The following PDE4D variants were observed in gnomAD, a reference collection of about 807,000 sequenced individuals.
PDE4D encodes 3',5'-cyclic-AMP phosphodiesterase 4D.
PDE4D carries 24 observed loss-of-function variants against 87.4 expected under a neutral mutation model. The ratio of observed to expected loss-of-function variants is 0.27; its 90% confidence interval spans 0.20 to 0.39. The LOEUF is 0.39. PDE4D is among the 10% of genes least tolerant of loss of function. The pLI, the probability that PDE4D is intolerant of heterozygous loss-of-function variation, is 1.00. For missense variants in PDE4D, 714 were observed against 1,041.0 expected, an observed-to-expected ratio of 0.69 and a Z score of 4.32; for synonymous variants, 384 against 383.2, an observed-to-expected ratio of 1.00 and a Z score of -0.02.
At chr5:59,172,167 T>G (rs1170910210) in intron 5 of PDE4D, among the ~76,000 whole-genome samples, 1 of 104,572 alleles carries the variant, frequency 9.6e-6, no homozygotes, top group African/African-American at 4.0e-5. Flanking sequence ...ATTTATATAA[T>G]ATATGTATAT....
At chr5:59,101,530 T>C (rs1770738232) in intron 5 of PDE4D, among the ~76,000 whole-genome samples, 2 of 152,142 alleles carry the variant, frequency 1.3e-5, no homozygotes, top group South Asian at 4.1e-4. Context: ...TTTCCAATAG[T>C]AGAGTTAGAA....
At chr5:59,311,280 A>G (rs943222183) in intron 1 of PDE4D, among the ~76,000 whole-genome samples, 1 of 151,904 alleles carries the variant, frequency 6.6e-6, no homozygotes, top group Non-Finnish European at 1.5e-5. Flanking sequence ...TAATTCCAGC[A>G]CTTTATGAGG....
At chr5:60,306,810 G>A (rs7735398) in intron 1 of PDE4D, among the ~76,000 whole-genome samples, 15,308 of 151,914 alleles carry the variant, frequency 0.1, 1,050 homozygotes, top group South Asian at 0.29. Context: ...CGGAACATAG[G>A]AAAACAAATA....
chr5:59,119,135 C>T (rs1042073436), intron 5 of PDE4D, among the ~76,000 whole-genome samples: 1 of 152,122 alleles, frequency 6.6e-6, no homozygotes, highest in Non-Finnish European at 1.5e-5. Flanking sequence ...TTCCTGCCTC[C>T]TTTAAGGTTC....
intron 1 of PDE4D, among the ~76,000 whole-genome samples, chr5:59,862,973 T>C (rs1019639256): frequency 3.3e-5 from 5 of 152,210 alleles, no homozygotes; most frequent in Admixed American, 6.5e-5. Context: ...CATATTATTG[T>C]TTTAATTATA....
At chr5:59,445,515 G>C (rs1348452719) in intron 1 of PDE4D, among the ~76,000 whole-genome samples, 1 of 152,148 alleles carries the variant, frequency 6.6e-6, no homozygotes, top group East Asian at 1.9e-4. Context: ...AAAGAAAGTC[G>C]ATTATTTAAT....
At chr5:59,862,236 C>G (rs891034291) in intron 1 of PDE4D, among the ~76,000 whole-genome samples, 1 of 152,154 alleles carries the variant, frequency 6.6e-6, no homozygotes, top group Non-Finnish European at 1.5e-5. Context: ...GACGTTTCAC[C>G]AGCTAACACA....
chr5:59,975,048 G>T (rs1761165277), intron 3 of PDE4D, among the ~76,000 whole-genome samples: 2 of 152,190 alleles, frequency 1.3e-5, no homozygotes, highest in Admixed American at 6.5e-5. Flanking sequence ...TGCTCTCCTG[G>T]TTACTCACTT....
intron 1 of PDE4D, among the ~76,000 whole-genome samples, chr5:59,220,270 A>C (rs545620619): frequency 1.3e-5 from 2 of 151,076 alleles, no homozygotes; most frequent in African/African-American, 4.9e-5. Context: ...TAATCCCGAC[A>C]CTTTAGAGGC....
intron 1 of PDE4D, among the ~76,000 whole-genome samples, chr5:59,806,117 C>A (rs1391659822): frequency 2.0e-5 from 3 of 152,214 alleles, no homozygotes; most frequent in Non-Finnish European, 2.9e-5. Flanking sequence ...AACCACTGGG[C>A]TCCCCAGCCA....
At chr5:59,057,323 T>C (rs1045968484) in intron 5 of PDE4D, among the ~76,000 whole-genome samples, 4 of 152,226 alleles carry the variant, frequency 2.6e-5, no homozygotes, top group Non-Finnish European at 5.9e-5. Flanking sequence ...GCTTTGCCAC[T>C]GATTGACTAG....
At chr5:59,120,824 CA>C (rs1364456344) in intron 5 of PDE4D, among the ~76,000 whole-genome samples, 8 of 152,118 alleles carry the variant, frequency 5.3e-5, no homozygotes, top group Non-Finnish European at 1.0e-4. Flanking sequence ...AAAACAGACA[CA>C]TAGACCAATG....
At chr5:60,289,557 T>G (rs1752707542) in intron 1 of PDE4D, among the ~76,000 whole-genome samples, 1 of 152,192 alleles carries the variant, frequency 6.6e-6, no homozygotes, top group Non-Finnish European at 1.5e-5. Flanking sequence ...GAGACTTCCC[T>G]ACTGCTGAAA....
Position 58,977,179 on chromosome 5 carries a change from T to G in PDE4D, c.1707+12A>C, listed in dbSNP as rs1744027001. Reference sequence around the variant, plus strand: ...TCACAGTTCTCTTCTTTGGCTTTTATCAGCTACTTACGATGTCAATGACCA... The same window carrying G: ...TCACAGTTCTCTTCTTTGGCTTTTAGCAGCTACTTACGATGTCAATGACCA... On this transcript the variant is annotated intron_variant, in intron 12 of 14. Coordinates refer to ENST00000340635, the MANE Select transcript of PDE4D (RefSeq NM_001104631.2). The G allele has an allele frequency of 6.3e-7, 1 of 1,599,288 alleles. No homozygotes were observed. The highest frequency in any genetic ancestry group is 8.5e-7 in the Non-Finnish European group (1 of 1,175,592).
At chr5:60,166,616 T>C (rs1782925243) in intron 2 of PDE4D, among the ~76,000 whole-genome samples, 1 of 152,246 alleles carries the variant, frequency 6.6e-6, no homozygotes, top group Admixed American at 6.5e-5. Flanking sequence ...TTTGACTATG[T>C]ACTTTTACCA....
At chr5:59,052,429 A>C (rs1427249989) in intron 5 of PDE4D, among the ~76,000 whole-genome samples, 1 of 152,164 alleles carries the variant, frequency 6.6e-6, no homozygotes, top group African/African-American at 2.4e-5. Context: ...TTGAACACTT[A>C]AATGTGTGGC....
chr5:59,076,907 T>G (rs1257728992), intron 5 of PDE4D, among the ~76,000 whole-genome samples: 1 of 152,146 alleles, frequency 6.6e-6, no homozygotes, highest in African/African-American at 2.4e-5. Flanking sequence ...ATACCACAAT[T>G]CAAAGCAGTA....
intron 1 of PDE4D, among the ~76,000 whole-genome samples, chr5:59,607,326 C>T (rs1184577862): frequency 6.6e-6 from 1 of 152,124 alleles, no homozygotes; most frequent in Non-Finnish European, 1.5e-5. Flanking sequence ...GAGTGCCCAG[C>T]ATCCATGCCC....
intron 2 of PDE4D, among the ~76,000 whole-genome samples, chr5:60,112,585 A>G (rs930709044): frequency 6.6e-6 from 1 of 152,068 alleles, no homozygotes; most frequent in African/African-American, 2.4e-5. Flanking sequence ...TGATCTCATT[A>G]TTTTGAAAAC....
Sources: gnomAD v4.1 joint callset for allele counts (sites outside exome capture counted in the v4.1 genomes callset) on GRCh38, gnomAD v4.1.1 for gene constraint, MANE v1.5 for transcripts, NCBI Gene and HGNC (gene_info 2026-07-23, HGNC 2026-07-21) for gene names.